PTPN5: variants seen among roughly 807,000 people sequenced by gnomAD.
PTPN5 encodes the protein protein tyrosine phosphatase non-receptor type 5, also known as tyrosine-protein phosphatase non-receptor type 5.
Under a neutral mutation model 73.9 loss-of-function variants are expected in PTPN5, and 29 were observed. That is an observed-to-expected ratio of 0.39 (90% CI 0.29 to 0.54). The LOEUF (loss-of-function observed/expected upper bound fraction) is 0.54. Among genes scored for constraint, PTPN5 ranks in the 20% least tolerant of loss-of-function variants. The probability of loss-of-function intolerance (pLI) is 0.65; values close to 1 mark genes in which losing one functional copy is unlikely to be tolerated. For missense variants in PTPN5, 652 were observed against 751.4 expected (o/e 0.87, Z 1.55); for synonymous variants, 267 against 304.7 (o/e 0.88, Z 1.29).
At position 18,742,467 on chromosome 11, in the gene PTPN5, T is replaced by G. The variant is rs1590512353; in HGVS notation, c.520A>C (p.Thr174Pro). ...HLLRTPPEPP[T>P]PLPPEDRRQS... The stretch of plus-strand genomic sequence containing the variant: ...CGCCTGTCCTCAGGGGGCAGTGGGG[T>G]GGGTGGCTCTGGGGGTGTCCTCAGG... Residue 174 changes from threonine to proline, a missense_variant, in exon 7 of 15, where the codon ACC becomes CCC. By Grantham distance (38) the Thr-to-Pro change is conservative (BLOSUM62 -1). Around this residue, in one of 3 missense-constraint regions of PTPN5, gnomAD observed 529 missense variants for 573.9 expected, o/e 0.92. Transcript: ENST00000358540. The surrounding 1 kb of genome is among the most constrained non-coding windows in gnomAD (Gnocchi z 4.1). 1.2e-6 allele frequency: 2 copies of G among 1,613,794 alleles called. No homozygotes were observed. The highest frequency in any genetic ancestry group is 1.7e-6 in the Non-Finnish European group (2 of 1,179,974).
chr11:18,736,570 G>A (rs890545463), intron 9 of PTPN5, among the ~76,000 whole-genome samples: 3 of 152,170 alleles, frequency 2.0e-5, no homozygotes, highest in South Asian at 4.1e-4. Context: ...AAACCTCAGC[G>A]CGTCCTGGAT....
chr11:18,755,641 G>T (rs1850096846), intron 3 of PTPN5, among the ~76,000 whole-genome samples: 1 of 152,016 alleles, frequency 6.6e-6, no homozygotes, highest in Non-Finnish European at 1.5e-5. Flanking sequence ...AATTCCAAAT[G>T]GTCTTGCTTG....
chr11:18,764,523 G>A (rs904476561), intron 3 of PTPN5, among the ~76,000 whole-genome samples: 1 of 152,124 alleles, frequency 6.6e-6, no homozygotes, highest in African/African-American at 2.4e-5. Flanking sequence ...AGTGTGGTGT[G>A]AATAAAATAC....
rs2278732 is a variant in PTPN5 at position 18,742,566 on chromosome 11, G to A, written c.484-63C>T. On this transcript the variant is annotated intron_variant, in intron 6 of 14. Coordinates refer to ENST00000358540, the MANE Select transcript of PTPN5 (RefSeq NM_006906.2). This position sits in a 1 kb window ranked among gnomAD's most constrained non-coding sequence, Gnocchi z 4.1. Reference sequence around the variant, plus strand: ...GCTGGCTGCCCCCCGTGTTCCTGGAGTGCCCATGGGATTGACGCCCCCCCA... The same window carrying A: ...GCTGGCTGCCCCCCGTGTTCCTGGAATGCCCATGGGATTGACGCCCCCCCA... 576,371 of 1,586,526 alleles carry A rather than the reference G, an allele frequency of 0.36. 109,551 individuals are homozygous for A. Among genetic ancestry groups the A allele is most frequent in the Admixed American group, 0.49 (29,108 of 59,034 alleles).
intron 3 of PTPN5, among the ~76,000 whole-genome samples, chr11:18,764,775 C>T (rs113487894): frequency 5.9e-5 from 9 of 152,228 alleles, no homozygotes; most frequent in South Asian, 2.1e-4. Context: ...TGCAGTGGCG[C>T]GATCTCGGCT....
intron 3 of PTPN5, among the ~76,000 whole-genome samples, chr11:18,764,332 C>T (rs536485682): frequency 8.5e-5 from 13 of 152,312 alleles, no homozygotes; most frequent in South Asian, 2.1e-4. Context: ...CTGCCCCTTC[C>T]GCAAGACAGC....
At chr11:18,779,978 G>T (rs116355064) in intron 1 of PTPN5, among the ~76,000 whole-genome samples, 1 of 152,176 alleles carries the variant, frequency 6.6e-6, no homozygotes, top group Non-Finnish European at 1.5e-5. Context: ...CATAGGGAGA[G>T]CTTGGCAGTC....
intron 3 of PTPN5, among the ~76,000 whole-genome samples, chr11:18,752,859 G>A (rs1303757492): frequency 6.6e-6 from 1 of 152,216 alleles, no homozygotes; most frequent in African/African-American, 2.4e-5. Context: ...ACAAATGCTT[G>A]GGGAGGAAGG....
chr11:18,762,843 G>A (rs1333867832), intron 3 of PTPN5, among the ~76,000 whole-genome samples: 3 of 152,196 alleles, frequency 2.0e-5, no homozygotes, highest in African/African-American at 7.2e-5. Context: ...CTACTGGTAA[G>A]TGGTGGGGCC....
chr11:18,777,995 G>A (rs112126912), intron 1 of PTPN5, among the ~76,000 whole-genome samples: 68 of 128,386 alleles, frequency 5.3e-4, no homozygotes, highest in African/African-American at 2.4e-3. Flanking sequence ...AGAAAGAAAG[G>A]AAGGAAGGAA....
chr11:18,737,859 T>A, intron 9 of PTPN5, 21 bp downstream of exon 9: 1 of 1,607,192 alleles, frequency 6.2e-7, no homozygotes, highest in Admixed American at 1.7e-5. Flanking sequence ...CCCCCATCCC[T>A]CTGGGACAGT....
At chr11:18,781,845 G>A (rs1215311666) in intron 1 of PTPN5, among the ~76,000 whole-genome samples, 4 of 152,118 alleles carry the variant, frequency 2.6e-5, no homozygotes, top group Non-Finnish European at 5.9e-5. Context: ...GCTGTCTTAT[G>A]GGAGCACTCA....
At chr11:18,777,987 AAAGAAAGGAAGGAAGG>A (rs1405795231) in intron 1 of PTPN5, among the ~76,000 whole-genome samples, 2,085 of 113,342 alleles carry the variant, frequency 0.018, 44 homozygotes, top group African/African-American at 0.059. Flanking sequence ...AGAAAGAAAG[AAAGAAAGGAAGGAAGG>A]AAGGAAGGAA....
At chr11:18,760,698 C>T (rs1030668010) in intron 3 of PTPN5, among the ~76,000 whole-genome samples, 10 of 152,340 alleles carry the variant, frequency 6.6e-5, no homozygotes, top group African/African-American at 7.2e-5. Context: ...GCCAGCTGCC[C>T]GCAGGAAGGC....
chr11:18,765,698 T>G, intron 3 of PTPN5, 109 bp downstream of exon 3: 1 of 763,118 alleles, frequency 1.3e-6, no homozygotes, highest in South Asian at 1.5e-5. Flanking sequence ...GCATGGATAT[T>G]CTTGCGCAAG....
chr11:18,782,970 A>G (rs1392844289), intron 1 of PTPN5, among the ~76,000 whole-genome samples: 2 of 152,252 alleles, frequency 1.3e-5, no homozygotes. Context: ...ACTTGGCCAC[A>G]TCTGTACTTT....
In PTPN5 at chr11:18,733,599, G is replaced by A. The variant is rs1252291754; in HGVS notation, c.1037C>T (p.Pro346Leu). Reference sequence around the variant, plus strand: ...GATGTAGGAACTCAGAGGGTCGTCAGGGTCTGGTGAGGTCAGACACACTCT... The same window carrying A: ...GATGTAGGAACTCAGAGGGTCGTCAAGGTCTGGTGAGGTCAGACACACTCT... ...HSRVCLTSPD[P>L]DDPLSSYINA... Residue 346 changes from proline to leucine, a missense_variant, in exon 10 of 15, where the codon CCT becomes CTT. Around this residue, in one of 3 missense-constraint regions of PTPN5, gnomAD observed 529 missense variants for 573.9 expected, o/e 0.92. Transcript: ENST00000358540. The surrounding 1 kb of genome is among the most constrained non-coding windows in gnomAD (Gnocchi z 4.3). 1.2e-6 allele frequency: 2 copies of A among 1,614,108 alleles called. No homozygotes were observed. Among genetic ancestry groups the A allele is most frequent in the Non-Finnish European group, 8.5e-7 (1 of 1,180,054 alleles).
intron 1 of PTPN5, among the ~76,000 whole-genome samples, chr11:18,789,553 G>C (rs1851819165): frequency 6.6e-6 from 1 of 152,160 alleles, no homozygotes; most frequent in South Asian, 2.1e-4. Flanking sequence ...CCATCTACAT[G>C]GACTACACTG....
chr11:18,760,750 C>T (rs11024786), intron 3 of PTPN5, among the ~76,000 whole-genome samples: 46,762 of 152,176 alleles, frequency 0.31, 8,773 homozygotes, highest in Admixed American at 0.47. Context: ...TGTCCTTAGA[C>T]CTGGGCCCTG....
Sources: allele counts gnomAD v4.1 joint callset (sites outside exome capture counted in the v4.1 genomes callset), GRCh38; gene constraint gnomAD v4.1.1; regional missense constraint gnomAD v4.1.1; non-coding constraint Gnocchi (gnomAD v3.1); transcripts MANE v1.5; gene names NCBI Gene and HGNC (gene_info 2026-07-23, HGNC 2026-07-21).